Variants in ADCY5 observed in about 807,000 individuals in gnomAD.
ADCY5 encodes adenylate cyclase 5.
In ADCY5, 30 loss-of-function variants were observed where a neutral mutation model predicts 119.7. The observed-to-expected ratio is 0.25, with a 90% CI of 0.19 to 0.34. ADCY5 has a LOEUF of 0.34. Ranked by LOEUF, ADCY5 falls within the 10% of genes least tolerant of loss-of-function variation. ADCY5 has a pLI of 1.00. For missense variants in ADCY5, 1,324 were observed against 1,775.2 expected (o/e 0.75, Z 4.57); for synonymous variants, 753 against 762.2 (o/e 0.99, Z 0.20).
At position 123,357,546 on chromosome 3, in the gene ADCY5, A is replaced by G. The variant is rs547011049; in HGVS notation, c.1135-4965T>C. ...AATAGCCGTCCAAATGGCTTTGCTA[A>G]GCTTAGGGTGCCTTGGTGTTCATCT... On this transcript the variant is annotated intron_variant, in intron 1 of 20. Coordinates refer to ENST00000462833, the MANE Select transcript of ADCY5 (RefSeq NM_183357.3). Among the ~76,000 whole-genome samples the G allele has an allele frequency of 1.7e-3, 254 of 152,314 alleles. 2 individuals carry two copies. Among genetic ancestry groups the G allele is most frequent in the Non-Finnish European group, 2.8e-3 (189 of 68,026 alleles).
chr3:123,329,082 T>C (rs1941638863), intron 5 of ADCY5, among the ~76,000 whole-genome samples: 1 of 152,200 alleles, frequency 6.6e-6, no homozygotes, highest in Non-Finnish European at 1.5e-5. Flanking sequence ...AGGGCACCTC[T>C]GGCCAGCACT....
intron 3 of ADCY5, among the ~76,000 whole-genome samples, chr3:123,339,737 G>A (rs938236467): frequency 1.4e-4 from 11 of 77,414 alleles, no homozygotes; most frequent in Admixed American, 2.1e-4. Context: ...AACCCCTCTC[G>A]TTTCTGCCTA....
chr3:123,364,025 A>T (rs1227199412), intron 1 of ADCY5, among the ~76,000 whole-genome samples: 1 of 152,246 alleles, frequency 6.6e-6, no homozygotes, highest in Non-Finnish European at 1.5e-5. Flanking sequence ...TACAATGTCA[A>T]GTGGGGGAGA....
At chr3:123,361,751 T>C (rs1487084288) in intron 1 of ADCY5, among the ~76,000 whole-genome samples, 2 of 152,240 alleles carry the variant, frequency 1.3e-5, no homozygotes, top group Non-Finnish European at 1.5e-5. Flanking sequence ...ATGAGGTATC[T>C]TGGAGATGGT....
chr3:123,346,610 T>TCTCTCTCTCTCTCTCTCTCTCC (rs1942570976), intron 3 of ADCY5, among the ~76,000 whole-genome samples: 1 of 36,746 alleles, frequency 2.7e-5, no homozygotes, highest in Non-Finnish European at 5.2e-5. Flanking sequence ...CCTCACCTTC[T>TCTCTCTCTCTCTCTCTCTCTCC]CTCTCTCTCT....
chr3:123,384,641 C>T (rs1944157573), intron 1 of ADCY5, among the ~76,000 whole-genome samples: 1 of 152,182 alleles, frequency 6.6e-6, no homozygotes, highest in African/African-American at 2.4e-5. Flanking sequence ...TTTCACTACG[C>T]CCACAGATTA....
intron 1 of ADCY5, chr3:123,416,076 G>T (rs1576682169): frequency 3.9e-6 from 5 of 1,282,396 alleles, no homozygotes; most frequent in Admixed American, 2.1e-5. Flanking sequence ...AGGGGTTACA[G>T]TACAGGCCCC....
At chr3:123,429,541 C>T (rs986287637) in intron 1 of ADCY5, among the ~76,000 whole-genome samples, 1 of 152,012 alleles carries the variant, frequency 6.6e-6, no homozygotes, top group East Asian at 1.9e-4. Context: ...CTGCCAATCA[C>T]GCAGCATCCT....
In ADCY5 at chr3:123,286,627, C is replaced by T. The variant is rs1322167803; in HGVS notation, c.3657+58G>A. 24 of 1,527,450 alleles carry T rather than the reference C, an allele frequency of 1.6e-5. No homozygotes were observed. Among genetic ancestry groups the T allele is most frequent in the South Asian group, 1.3e-4 (10 of 78,068 alleles). The allele number at this position is 1,527,450 out of a possible 1,614,324, so 94.6% of individuals were successfully genotyped here. On this transcript the variant is annotated intron_variant, in intron 20 of 20. Coordinates refer to ENST00000462833, the MANE Select transcript of ADCY5 (RefSeq NM_183357.3). The surrounding 1 kb of genome is among the most constrained non-coding windows in gnomAD (Gnocchi z 4.2). ...TAGGTGGCCTGCCCTGAAGACCTCT[C>T]GGTGTCAGACACAGGACCTCCCATG... is the stretch of plus-strand genomic sequence containing the variant.
intron 8 of ADCY5, 36 bp from the exon 9 acceptor site, chr3:123,320,807 A>C: frequency 3.3e-6 from 5 of 1,499,746 alleles, no homozygotes; most frequent in African/African-American, 1.4e-5. Flanking sequence ...AGAGAAGAGA[A>C]TGAGAACAGA....
At chr3:123,446,397 G>C (rs1945814637) in intron 1 of ADCY5, among the ~76,000 whole-genome samples, 2 of 152,304 alleles carry the variant, frequency 1.3e-5, no homozygotes, top group Middle Eastern at 3.4e-3. Flanking sequence ...AAGGTGAAGA[G>C]ACTTGCCTGT....
rs753975649 is a variant in ADCY5 at position 123,448,320 on chromosome 3, C to G, written c.226G>C (p.Asp76His). 42 of 1,537,406 alleles carry G rather than the reference C, an allele frequency of 2.7e-5. No homozygotes were observed. The Admixed American group carries it at 6.8e-4, about 25-fold the overall frequency. ...CTCAGCGGAGGATCGTCGTCGTCGT[C>G]GCTGCGCCAGCGGCTGGCCAGGCGC... ...QQRLASRWRS[D>H]DDDDPPLSGD... Residue 76 changes from aspartate (D) to histidine (H), a missense_variant, in exon 1 of 21, where the codon GAC becomes CAC. Around this residue, in one of 6 missense-constraint regions of ADCY5, gnomAD observed 585 missense variants for 569.9 expected, o/e 1.03. Transcript: ENST00000462833.
At chr3:123,338,016 C>T (rs553254126) in intron 3 of ADCY5, among the ~76,000 whole-genome samples, 3 of 152,288 alleles carry the variant, frequency 2.0e-5, no homozygotes, top group African/African-American at 4.8e-5. Context: ...GCCATATGCA[C>T]GGAACCAGTG....
intron 12 of ADCY5, among the ~76,000 whole-genome samples, chr3:123,309,642 T>G (rs1559794871): frequency 6.6e-6 from 1 of 152,186 alleles, no homozygotes; most frequent in Non-Finnish European, 1.5e-5. Flanking sequence ...TGGACTGTCC[T>G]GACTTGAAAA....
intron 1 of ADCY5, among the ~76,000 whole-genome samples, chr3:123,421,327 G>C (rs1242601245): frequency 6.6e-6 from 1 of 152,202 alleles, no homozygotes; most frequent in Non-Finnish European, 1.5e-5. Context: ...TGAGAAAGCA[G>C]AGACCCAGAC....
In ADCY5 at chr3:123,286,977, T is replaced by A; in HGVS notation, c.3533-168A>T. On this transcript the variant is annotated intron_variant, in intron 19 of 20. Transcript: ENST00000462833. This position sits in a 1 kb window ranked among gnomAD's most constrained non-coding sequence, Gnocchi z 4.2. ...GCAGCCTCCCGCTACCCTGCTCCTG[T>A]CAAATGCCTGTGAATGCAAGACACA... 1 of 900,828 alleles carries A rather than the reference T, an allele frequency of 1.1e-6. No homozygotes were observed. Among genetic ancestry groups the A allele is most frequent in the Non-Finnish European group, 1.6e-6 (1 of 631,942 alleles). The allele number at this position is 900,828 out of a possible 1,614,324, so 55.8% of individuals were successfully genotyped here.
chr3:123,319,348 C>A (rs558385425), intron 10 of ADCY5, among the ~76,000 whole-genome samples: 1 of 122,374 alleles, frequency 8.2e-6, no homozygotes, highest in Non-Finnish European at 1.6e-5. Flanking sequence ...AGTGAAACTC[C>A]GTCTCAAAAA....
intron 1 of ADCY5, chr3:123,416,051 T>C (rs1945176733): frequency 1.1e-6 from 1 of 951,350 alleles, no homozygotes; most frequent in African/African-American, 1.6e-5. Flanking sequence ...CAAGATAAAG[T>C]TCCCACCTAG....
Position 123,447,688 on chromosome 3 carries a change from C to A in ADCY5, c.858G>T (p.Val286=), listed in dbSNP as rs769187490. 9.3e-6 allele frequency: 15 copies of A among 1,606,026 alleles called. No homozygotes were observed. The highest frequency in any genetic ancestry group is 1.7e-4 in the Middle Eastern group (1 of 6,048). ...GGTGGAAGGCGGCGCGGTTGCAAAG[C>A]ACAGCCATGATGAGGATCACGCCGA... The part of the protein sequence containing the change: ...AAVGVILIMA[V]LCNRAAFHQD... Residue 286 remains valine (V), a synonymous_variant, in exon 1 of 21, where the codon GTG becomes GTT. Transcript: ENST00000462833.
Sources: gnomAD v4.1 joint callset for allele counts (sites outside exome capture counted in the v4.1 genomes callset) on GRCh38, gnomAD v4.1.1 for gene constraint, gnomAD v4.1.1 regional missense constraint, Gnocchi (gnomAD v3.1) non-coding constraint, MANE v1.5 for transcripts, NCBI Gene and HGNC (gene_info 2026-07-23, HGNC 2026-07-21) for gene names.